SLC6A7: variants seen among roughly 807,000 people sequenced by gnomAD.
The protein encoded by SLC6A7 is sodium-dependent proline transporter.
Under a neutral mutation model 73.1 loss-of-function variants are expected in SLC6A7, and 58 were observed. The observed-to-expected ratio is 0.79, with a 90% CI of 0.64 to 0.99. The LOEUF (loss-of-function observed/expected upper bound fraction) is 0.99, where lower values mean the gene tolerates loss of function less well. Ranked by LOEUF, SLC6A7 falls within the 50% of genes least tolerant of loss-of-function variation. The pLI is 0.00. For synonymous variants in SLC6A7, 338 were observed against 338.7 expected (o/e 1.00, Z 0.02); for missense variants, 783 against 831.4 (o/e 0.94, Z 0.72).
intron 5 of SLC6A7, 27 bp from the exon 6 acceptor site, chr5:150,201,062 A>G: frequency 1.2e-6 from 2 of 1,612,456 alleles, no homozygotes; most frequent in Non-Finnish European, 1.7e-6. Context: ...CCCCGATGCC[A>G]TCAGCTCCTC....
At chr5:150,208,957 T>C (rs564428297) in intron 13 of SLC6A7, among the ~76,000 whole-genome samples, 2 of 152,236 alleles carry the variant, frequency 1.3e-5, no homozygotes, top group South Asian at 4.2e-4. Context: ...AGCCCCCAGC[T>C]CCTTAAGATT....
chr5:150,209,046 G>A (rs4705430), intron 13 of SLC6A7, among the ~76,000 whole-genome samples: 41,624 of 152,144 alleles, frequency 0.27, 6,580 homozygotes, highest in Non-Finnish European at 0.36. Context: ...AGCAACAGCC[G>A]CCACTTCCCA....
chr5:150,192,986 G>A (rs1451561032), intron 1 of SLC6A7, among the ~76,000 whole-genome samples: 1 of 152,184 alleles, frequency 6.6e-6, no homozygotes, highest in Non-Finnish European at 1.5e-5. Context: ...CTCAGGGAAC[G>A]GGGCATTGGA....
At chr5:150,200,499 A>C (rs1158649682) in intron 5 of SLC6A7, among the ~76,000 whole-genome samples, 1 of 152,218 alleles carries the variant, frequency 6.6e-6, no homozygotes, top group African/African-American at 2.4e-5. Flanking sequence ...TCTCAAAAAA[A>C]AGAAAAAAGA....
Position 150,204,040 on chromosome 5 carries a change from T to C in SLC6A7, c.1332+2T>C. On this transcript the variant is annotated splice_donor_variant, in intron 10 of 13. Coordinates refer to ENST00000230671, the MANE Select transcript of SLC6A7 (RefSeq NM_014228.5). LOFTEE classifies it high-confidence loss of function. ...ATGGGGCTGATCCTCACCACTGATG[T>C]GAGTGGCGCTACAGGGAGGATGGCA... 1 of 1,612,302 alleles carries C rather than the reference T, an allele frequency of 6.2e-7. No individual in the cohort carries two copies. The highest frequency in any genetic ancestry group is 2.2e-5 in the East Asian group (1 of 44,852).
intron 1 of SLC6A7, 22 bp downstream of exon 1, chr5:150,190,382 G>A (rs1752720061): frequency 3.4e-6 from 5 of 1,476,012 alleles, no homozygotes; most frequent in Non-Finnish European, 4.5e-6. Flanking sequence ...GGGCGGGGGC[G>A]CTGGGGGTGC....
intron 13 of SLC6A7, among the ~76,000 whole-genome samples, chr5:150,206,954 T>C (rs1468821350): frequency 6.6e-6 from 1 of 152,116 alleles, no homozygotes; most frequent in African/African-American, 2.4e-5. Flanking sequence ...GGGCATGTTT[T>C]GGGGGGCTCG....
At chr5:150,198,110 A>G (rs369797133) in intron 4 of SLC6A7, among the ~76,000 whole-genome samples, 15,945 of 93,344 alleles carry the variant, frequency 0.17, 1,319 homozygotes, top group Middle Eastern at 0.22. Context: ...AAAGAAAGAA[A>G]GAAAGAGAAA....
Position 150,199,329 on chromosome 5 carries a change from T to C in SLC6A7, c.686T>C (p.Phe229Ser), listed in dbSNP as rs1309865480. ...LCLLLAWVIV[F>S]LCILKGVKSS... ...CTGCTGCTGGCCTGGGTCATCGTGTTCCTCTGTATCCTCAAGGGTGTGAAG... is the reference window on the plus strand; with the variant it reads ...CTGCTGCTGGCCTGGGTCATCGTGTCCCTCTGTATCCTCAAGGGTGTGAAG... Residue 229 changes from phenylalanine to serine, a missense_variant, in exon 5 of 14, where the codon TTC becomes TCC. Transcript: ENST00000230671. 6.2e-7 allele frequency: 1 copy of C among 1,614,088 alleles called. No individual in the cohort carries two copies. Among genetic ancestry groups the C allele is most frequent in the Admixed American group, 1.7e-5 (1 of 60,014 alleles).
intron 2 of SLC6A7, among the ~76,000 whole-genome samples, chr5:150,195,838 C>G (rs1186912431): frequency 6.6e-6 from 1 of 152,094 alleles, no homozygotes; most frequent in African/African-American, 2.4e-5. Context: ...TTGATGACAC[C>G]CATGGTGTCT....
Position 150,198,811 on chromosome 5 carries a change from G to GGTGTGTGTGTGTGTTT in SLC6A7, c.585-403_585-402insTTGTGTGTGTGTGTGT, listed in dbSNP as rs1554115776. Among the ~76,000 whole-genome samples the GGTGTGTGTGTGTGTTT allele has an allele frequency of 7.4e-3, 825 of 112,088 alleles. 17 individuals are homozygous for GGTGTGTGTGTGTGTTT. The highest frequency in any genetic ancestry group is 0.025 in the African/African-American group (778 of 30,646). The allele number at this position is 112,088 out of a possible 152,430, so 73.5% of individuals were successfully genotyped here. ...ACACAGTCATGGCCAGGCCCTGGATGGTGTGTGTGTGTGTGTGTGTGTGTG... is the reference window on the plus strand; with the variant it reads ...ACACAGTCATGGCCAGGCCCTGGATGGTGTGTGTGTGTGTTTGTGTGTGTGTGTGTGTGTGTGTGTG... On this transcript the variant is annotated intron_variant, in intron 4 of 13. Transcript: ENST00000230671.
At chr5:150,192,683 A>C (rs1752841253) in intron 1 of SLC6A7, among the ~76,000 whole-genome samples, 1 of 151,918 alleles carries the variant, frequency 6.6e-6, no homozygotes, top group Admixed American at 6.6e-5. Context: ...TTGGGGGAGG[A>C]GGGGGACGAG....
chr5:150,199,182 G>A (rs731375), intron 4 of SLC6A7, 46 bp from the exon 5 acceptor site: 3 of 1,528,790 alleles, frequency 2.0e-6, no homozygotes, highest in Non-Finnish European at 1.8e-6. Context: ...TGTCTGTGGA[G>A]CCTGGTGGGG....
At chr5:150,198,115 G>GAAAGAAAGAAAA (rs1224170798) in intron 4 of SLC6A7, among the ~76,000 whole-genome samples, 7 of 77,534 alleles carry the variant, frequency 9.0e-5, no homozygotes, top group Admixed American at 3.7e-4. Context: ...AAGAAAGAAA[G>GAAAGAAAGAAAA]AGAAAGAAAG....
chr5:150,198,091 G>GA (rs761151730), intron 4 of SLC6A7, among the ~76,000 whole-genome samples: 6 of 105,174 alleles, frequency 5.7e-5, no homozygotes, highest in Non-Finnish European at 1.1e-4. Context: ...AAGAAAGAAA[G>GA]AAAGAAAGAA....
At chr5:150,198,109 AAGAAAGAG>A (rs1465993222) in intron 4 of SLC6A7, among the ~76,000 whole-genome samples, 3,075 of 105,438 alleles carry the variant, frequency 0.029, 112 homozygotes, top group African/African-American at 0.076. Flanking sequence ...GAAAGAAAGA[AAGAAAGAG>A]AAAGAAAGAA....
chr5:150,193,255 C>T (rs993854502), intron 1 of SLC6A7, among the ~76,000 whole-genome samples: 2 of 152,204 alleles, frequency 1.3e-5, no homozygotes, highest in Non-Finnish European at 2.9e-5. Flanking sequence ...CTGAGGGTCT[C>T]CTAAGGGAGA....
At chr5:150,201,326 C>A in intron 6 of SLC6A7, 103 bp downstream of exon 6, 1 of 664,604 alleles carries the variant, frequency 1.5e-6, no homozygotes, top group Non-Finnish European at 2.3e-6. Context: ...TCTGCTCAGC[C>A]CTTCTTGCGT....
intron 4 of SLC6A7, among the ~76,000 whole-genome samples, chr5:150,198,117 G>A (rs59919637): frequency 0.22 from 12,511 of 57,084 alleles, 1,493 homozygotes; most frequent in African/African-American, 0.32. Flanking sequence ...GAAAGAAAGA[G>A]AAAGAAAGAA....
Sources: gnomAD v4.1 joint callset for allele counts (sites outside exome capture counted in the v4.1 genomes callset) on GRCh38, gnomAD v4.1.1 for gene constraint, MANE v1.5 for transcripts, NCBI Gene and HGNC (gene_info 2026-07-23, HGNC 2026-07-21) for gene names.